RPAP2: variants seen among roughly 807,000 people sequenced by gnomAD.
The protein encoded by RPAP2 is RNA polymerase II associated protein 2.
In RPAP2, 52 loss-of-function variants were observed where a neutral mutation model predicts 73.1. The ratio of observed to expected loss-of-function variants is 0.71; its 90% CI spans 0.57 to 0.90. RPAP2 has a LOEUF of 0.90. Among genes scored for constraint, RPAP2 ranks in the 40% least tolerant of loss-of-function variants. The pLI is 0.00. For missense variants in RPAP2, 598 were observed against 701.8 expected, an observed-to-expected ratio of 0.85 and a Z score of 1.67; for synonymous variants, 225 against 242.1, an observed-to-expected ratio of 0.93 and a Z score of 0.65.
chr1:92,382,944 T>TA (rs1655709332), intron 12 of RPAP2, among the ~76,000 whole-genome samples: 1 of 152,188 alleles, frequency 6.6e-6, no homozygotes, highest in Non-Finnish European at 1.5e-5. Context: ...TTAATTTTTG[T>TA]ATAAGGTGTA....
chr1:92,319,262 C>A (rs1164458404), intron 6 of RPAP2, among the ~76,000 whole-genome samples: 1 of 152,114 alleles, frequency 6.6e-6, no homozygotes, highest in East Asian at 1.9e-4. Flanking sequence ...CACATATTGT[C>A]TTGAATAACA....
At chr1:92,304,953 G>A (rs987760456) in intron 5 of RPAP2, among the ~76,000 whole-genome samples, 1 of 151,632 alleles carries the variant, frequency 6.6e-6, no homozygotes, top group African/African-American at 2.4e-5. Flanking sequence ...CCTGGGCAAC[G>A]GCAAAACCCT....
chr1:92,299,465 T>C (rs919989911), intron 1 of RPAP2, among the ~76,000 whole-genome samples: 4 of 152,076 alleles, frequency 2.6e-5, no homozygotes, highest in African/African-American at 9.7e-5. Flanking sequence ...TAGGGCAGCG[T>C]TGGCAGCTGG....
At chr1:92,378,874 G>A (rs1488062112) in intron 11 of RPAP2, among the ~76,000 whole-genome samples, 1 of 152,202 alleles carries the variant, frequency 6.6e-6, no homozygotes, top group African/African-American at 2.4e-5. Context: ...CATGAAGTCT[G>A]AGAACTTAGT....
intron 6 of RPAP2, among the ~76,000 whole-genome samples, chr1:92,314,993 C>T (rs1484186326): frequency 3.3e-5 from 5 of 150,888 alleles, no homozygotes; most frequent in Admixed American, 6.6e-5. Context: ...TGCAGTGAAC[C>T]GAGATAGTGC....
rs6672119 is a variant in RPAP2, at chr1:92,352,309, C to T, written c.1688+6395C>T. Among the ~76,000 whole-genome samples the T allele has an allele frequency of 7.8e-3, 1,186 of 152,278 alleles. 6 individuals are homozygous for T. The highest frequency in any genetic ancestry group is 0.027 in the African/African-American group (1,137 of 41,546). On this transcript the variant is annotated intron_variant, in intron 11 of 12. Transcript: ENST00000610020. ...TAAACAAGCTCAACTTGACCATGAT[C>T]GCTAAACAAAAGCCATCACTGGACA...
chr1:92,314,351 GT>G (rs112702571), intron 6 of RPAP2, among the ~76,000 whole-genome samples: 230 of 136,536 alleles, frequency 1.7e-3, no homozygotes, highest in East Asian at 9.2e-3. Flanking sequence ...TGGTTTTTGG[GT>G]TTTTTTTTTT....
chr1:92,371,319 A>AAATAT (rs1199565882), intron 11 of RPAP2, among the ~76,000 whole-genome samples: 26 of 61,718 alleles, frequency 4.2e-4, no homozygotes, highest in Admixed American at 3.9e-3. Context: ...AAAAAAAAAA[A>AAATAT]ATATATATAT....
At chr1:92,370,545 C>G (rs1400399956) in intron 11 of RPAP2, among the ~76,000 whole-genome samples, 1 of 152,104 alleles carries the variant, frequency 6.6e-6, no homozygotes, top group African/African-American at 2.4e-5. Flanking sequence ...GAAACAGTGT[C>G]TAGAATTTAA....
Position 92,299,165 on chromosome 1 carries a change from TC to T in RPAP2, c.73+22del. 1 of 1,466,524 alleles carries T rather than the reference TC, an allele frequency of 6.8e-7. No individual in the cohort carries two copies. The highest frequency in any genetic ancestry group is 1.3e-5 in the South Asian group (1 of 75,576). The allele number at this position is 1,466,524 out of a possible 1,614,324, so 90.8% of individuals were successfully genotyped here. Reference sequence around the variant, plus strand: ...GCCGCAGGTAGGAGCAAGGATCTCTTCCCACTTTTGGACCCTGAAAGCTGGG... The same window carrying T: ...GCCGCAGGTAGGAGCAAGGATCTCTTCCACTTTTGGACCCTGAAAGCTGGG... On this transcript the variant is annotated intron_variant, in intron 1 of 12. Coordinates refer to ENST00000610020, the MANE Select transcript of RPAP2 (RefSeq NM_024813.3).
At chr1:92,378,184 TATTC>T (rs751055550) in intron 11 of RPAP2, among the ~76,000 whole-genome samples, 3,793 of 151,616 alleles carry the variant, frequency 0.025, 60 homozygotes, top group Non-Finnish European at 0.027. Context: ...CCACTTTATT[TATTC>T]ATTCATTCAT....
intron 11 of RPAP2, among the ~76,000 whole-genome samples, chr1:92,377,508 CTT>C (rs1459525710): frequency 1.9e-4 from 16 of 84,998 alleles, no homozygotes; most frequent in Non-Finnish European, 2.5e-4. Context: ...CAGAGCGAAA[CTT>C]TGTCTCAAAA....
intron 6 of RPAP2, among the ~76,000 whole-genome samples, chr1:92,316,639 T>G (rs1427854201): frequency 6.6e-5 from 10 of 152,234 alleles, no homozygotes; most frequent in Non-Finnish European, 1.5e-4. Context: ...TACATATTTT[T>G]GTTTTGTAAA....
rs564929987 is a variant in RPAP2, at chr1:92,393,208, C to G, written c.*6197C>G. 18 of 152,302 alleles carry G rather than the reference C, an allele frequency of 1.2e-4. No homozygotes were observed. The highest frequency in any genetic ancestry group is 3.4e-3 in the Middle Eastern group (1 of 294). 9.4% of individuals were successfully genotyped at this position (152,302 alleles called of 1,614,324 possible). Reference sequence around the variant, plus strand: ...TACCACCATCTGATCTTTGACAAACCTGACACACACAAGCAATGGGGAAAA... The same window carrying G: ...TACCACCATCTGATCTTTGACAAACGTGACACACACAAGCAATGGGGAAAA... On this transcript the variant is annotated 3_prime_UTR_variant, in exon 13 of 13. Coordinates refer to ENST00000610020, the MANE Select transcript of RPAP2 (RefSeq NM_024813.3).
At chr1:92,304,445 T>C in intron 5 of RPAP2, 96 bp downstream of exon 5, 1 of 617,224 alleles carries the variant, frequency 1.6e-6, no homozygotes, top group Non-Finnish European at 2.7e-6. Flanking sequence ...TGATATTAAA[T>C]AGGATTCTAA....
In RPAP2 at chr1:92,393,853, T is replaced by C. The variant is rs1017444443; in HGVS notation, c.*6842T>C. The C allele has an allele frequency of 3.3e-5, 5 of 152,156 alleles. No homozygotes were observed. Among genetic ancestry groups the C allele is most frequent in the Admixed American group, 6.5e-5 (1 of 15,288 alleles). 9.4% of individuals were successfully genotyped at this position (152,156 alleles called of 1,614,324 possible). A position where few individuals can be genotyped will look rare whatever the true frequency, so the allele number is the denominator to read the frequency against. On this transcript the variant is annotated 3_prime_UTR_variant, in exon 13 of 13. Coordinates refer to ENST00000610020, the MANE Select transcript of RPAP2 (RefSeq NM_024813.3). ...AGATGCTGGAGAGGTTGTGGAAAAA[T>C]TGGAACGCTTTTACACTGTTGGTGG...
chr1:92,305,854 A>G (rs1557589245), intron 5 of RPAP2, among the ~76,000 whole-genome samples: 1 of 152,264 alleles, frequency 6.6e-6, no homozygotes, highest in Non-Finnish European at 1.5e-5. Context: ...GAAAATTGGT[A>G]CAGCCTTTTT....
At chr1:92,326,994 T>G (rs1337926016) in intron 8 of RPAP2, among the ~76,000 whole-genome samples, 3 of 152,194 alleles carry the variant, frequency 2.0e-5, no homozygotes, top group Non-Finnish European at 2.9e-5. Context: ...TTGGAATTGT[T>G]ACAAAGTTCA....
At chr1:92,336,061 A>C (rs1371296440) in intron 9 of RPAP2, among the ~76,000 whole-genome samples, 1 of 152,118 alleles carries the variant, frequency 6.6e-6, no homozygotes, top group Non-Finnish European at 1.5e-5. Context: ...CTAATATTTG[A>C]AAATAAACAG....
Sources: gnomAD v4.1 joint callset for allele counts (sites outside exome capture counted in the v4.1 genomes callset) on GRCh38, gnomAD v4.1.1 for gene constraint, MANE v1.5 for transcripts, NCBI Gene and HGNC (gene_info 2026-07-23, HGNC 2026-07-21) for gene names.